Variants in GLIS3 observed in about 807,000 individuals in gnomAD.
GLIS3 encodes the protein zinc finger protein GLIS3.
In GLIS3, 53 loss-of-function variants were observed where a neutral mutation model predicts 78.6. The ratio of observed to expected loss-of-function variants is 0.67; its 90% CI spans 0.54 to 0.85. GLIS3 has a LOEUF of 0.85. GLIS3 is among the 40% of genes least tolerant of loss of function. The pLI is 0.00. For synonymous variants in GLIS3, 684 were observed against 509.9 expected (o/e 1.34, Z -4.60); for missense variants, 1,703 against 1,231.1 (o/e 1.38, Z -5.74).
At chr9:4,181,080 C>G in intron 2 of GLIS3, among the ~76,000 whole-genome samples, 1 of 152,226 alleles carries the variant, frequency 6.6e-6, no homozygotes, top group East Asian at 1.9e-4. Context: ...GTCATTCGTA[C>G]TCTAAGATGA....
intron 4 of GLIS3, among the ~76,000 whole-genome samples, chr9:4,024,369 G>A (rs1823137443): frequency 6.6e-6 from 1 of 152,206 alleles, no homozygotes. Flanking sequence ...TAATGACTGT[G>A]TGGATAGAAT....
intron 7 of GLIS3, among the ~76,000 whole-genome samples, chr9:3,885,004 G>A (rs1256869819): frequency 6.6e-6 from 1 of 152,128 alleles, no homozygotes; most frequent in African/African-American, 2.4e-5. Flanking sequence ...GTGGGTTAGA[G>A]TGCAAAAAGG....
the GLIS3 span, among the ~76,000 whole-genome samples, chr9:4,373,657 A>G: frequency 6.6e-6 from 1 of 151,632 alleles, no homozygotes; most frequent in Non-Finnish European, 1.5e-5. Context: ...AGGGGAAAAC[A>G]TAATTTTCTT....
intron 4 of GLIS3, among the ~76,000 whole-genome samples, chr9:3,994,279 G>C (rs983374315): frequency 6.6e-6 from 1 of 152,154 alleles, no homozygotes; most frequent in Non-Finnish European, 1.5e-5. Flanking sequence ...AAAATACAAA[G>C]CCACTTCAAT....
chr9:3,830,647 T>G (rs1204117942), intron 9 of GLIS3, among the ~76,000 whole-genome samples: 1 of 152,220 alleles, frequency 6.6e-6, no homozygotes, highest in East Asian at 1.9e-4. Context: ...CAGGATTTCT[T>G]CCACAAACAC....
the GLIS3 span, among the ~76,000 whole-genome samples, chr9:4,459,795 C>G: frequency 6.6e-6 from 1 of 151,864 alleles, no homozygotes; most frequent in Non-Finnish European, 1.5e-5. Context: ...GGCAACAGAG[C>G]AAGACCCTGT....
At chr9:4,037,074 C>T (rs1441111468) in intron 4 of GLIS3, among the ~76,000 whole-genome samples, 1 of 152,212 alleles carries the variant, frequency 6.6e-6, no homozygotes. Context: ...TCACCCCACT[C>T]TCTGAGCACC....
In GLIS3 at chr9:4,296,345, G is replaced by A. The variant is rs77947981; in HGVS notation, c.-99+3076C>T. On this transcript the variant is annotated intron_variant, in intron 1 of 10. Transcript: ENST00000381971. ...CACTGAGCTCTCTTCTGGAATGGCA[G>A]AAGGACCACTTTCTCCTGCATAAAT... 1.0e-4 allele frequency among the ~76,000 whole-genome samples: 15 copies of A among 150,434 alleles called. No homozygotes were observed. In the East Asian group the frequency reaches 2.9e-3, roughly 29 times the overall value.
intron 6 of GLIS3, among the ~76,000 whole-genome samples, chr9:3,922,620 G>C (rs1217889546): frequency 6.6e-6 from 1 of 152,096 alleles, no homozygotes; most frequent in African/African-American, 2.4e-5. Context: ...GGGTAAGGTG[G>C]GGAAGGATAG....
chr9:4,283,850 A>C (rs1827765504), intron 2 of GLIS3, among the ~76,000 whole-genome samples: 1 of 152,146 alleles, frequency 6.6e-6, no homozygotes, highest in Non-Finnish European at 1.5e-5. Flanking sequence ...CTAAGCTCCA[A>C]AGCTAGAGGT....
At chr9:4,457,614 G>T in the GLIS3 span, among the ~76,000 whole-genome samples, 2 of 152,078 alleles carry the variant, frequency 1.3e-5, no homozygotes, top group African/African-American at 4.8e-5. Flanking sequence ...TTGGGGGACT[G>T]AGGCGGGTGG....
chr9:3,988,742 A>C (rs79949926), intron 4 of GLIS3, among the ~76,000 whole-genome samples: 2 of 152,092 alleles, frequency 1.3e-5, no homozygotes, highest in Non-Finnish European at 2.9e-5. Context: ...TAAACCTCAT[A>C]CGTTATACGA....
At chr9:4,357,659 A>G in the GLIS3 span, among the ~76,000 whole-genome samples, 1 of 151,972 alleles carries the variant, frequency 6.6e-6, no homozygotes, top group Non-Finnish European at 1.5e-5. Flanking sequence ...GACTCACGTG[A>G]ACATCATTCA....
At chr9:3,983,172 G>A (rs1819443755) in intron 4 of GLIS3, among the ~76,000 whole-genome samples, 1 of 152,146 alleles carries the variant, frequency 6.6e-6, no homozygotes, top group African/African-American at 2.4e-5. Flanking sequence ...GATAGTGAAT[G>A]AGTCTCACAA....
chr9:4,309,927 G>GA (rs1166125816), intron 3 of GLIS3, among the ~76,000 whole-genome samples: 2 of 152,112 alleles, frequency 1.3e-5, no homozygotes, highest in Non-Finnish European at 2.9e-5. Flanking sequence ...TCAAAGGTAT[G>GA]AAAAAAATGT....
At chr9:4,281,700 C>T (rs1038738852) in intron 2 of GLIS3, among the ~76,000 whole-genome samples, 2 of 152,100 alleles carry the variant, frequency 1.3e-5, no homozygotes, top group South Asian at 2.1e-4. Context: ...ATAAATAATG[C>T]TGCTGTGGAC....
intron 1 of GLIS3, among the ~76,000 whole-genome samples, chr9:4,348,046 T>C (rs775990452): frequency 2.2e-4 from 33 of 152,216 alleles, no homozygotes; most frequent in Non-Finnish European, 3.8e-4. Context: ...TTTTAACTTA[T>C]GATTCAACTT....
chr9:4,251,427 ATC>A (rs1360173126), intron 2 of GLIS3, among the ~76,000 whole-genome samples: 3 of 127,432 alleles, frequency 2.4e-5, no homozygotes, highest in Non-Finnish European at 5.1e-5. Flanking sequence ...TAGGATTGCA[ATC>A]TTTTTTTTTT....
At chr9:3,946,806 G>C (rs571732150) in intron 4 of GLIS3, among the ~76,000 whole-genome samples, 1 of 152,180 alleles carries the variant, frequency 6.6e-6, no homozygotes, top group Non-Finnish European at 1.5e-5. Flanking sequence ...TAAAGGAAAA[G>C]AAACTGTTTT....
Sources: allele counts gnomAD v4.1 joint callset (sites outside exome capture counted in the v4.1 genomes callset), GRCh38; gene constraint gnomAD v4.1.1; transcripts MANE v1.5; gene names NCBI Gene and HGNC (gene_info 2026-07-23, HGNC 2026-07-21).